The following BCL7B variants were observed in gnomAD, a reference collection of about 807,000 sequenced individuals.
BCL7B encodes BAF chromatin remodeling complex subunit BCL7B.
BCL7B carries 11 observed loss-of-function variants against 26.5 expected under a neutral mutation model. That is an observed-to-expected ratio of 0.42 (90% confidence interval 0.26 to 0.69). BCL7B has a LOEUF of 0.69. Ranked by LOEUF, BCL7B falls within the 30% of genes least tolerant of loss-of-function variation. BCL7B has a pLI of 0.28. For missense variants in BCL7B, 215 were observed against 264.4 expected (o/e 0.81, Z 1.30); for synonymous variants, 111 against 107.9 (o/e 1.03, Z -0.18).
intron 3 of BCL7B, among the ~76,000 whole-genome samples, chr7:73,541,251 TG>T (rs1250117326): frequency 6.6e-6 from 1 of 152,150 alleles, no homozygotes; most frequent in Non-Finnish European, 1.5e-5. Context: ...TTCCCCCTCC[TG>T]CTCTGGTATC....
At chr7:73,557,362 C>T (rs1334015923) in intron 1 of BCL7B, 125 bp downstream of exon 1, 3 of 1,183,124 alleles carry the variant, frequency 2.5e-6, no homozygotes, top group Middle Eastern at 3.4e-4. Context: ...CGCCCTCCTC[C>T]CGCCTTCTCC....
At chr7:73,555,934 T>C (rs901793711) in intron 1 of BCL7B, among the ~76,000 whole-genome samples, 2 of 151,862 alleles carry the variant, frequency 1.3e-5, no homozygotes, top group South Asian at 4.2e-4. Flanking sequence ...ATAAAATCAC[T>C]CAGTGCAAAT....
intron 2 of BCL7B, among the ~76,000 whole-genome samples, chr7:73,551,100 A>G (rs1554584071): frequency 6.6e-6 from 1 of 152,258 alleles, no homozygotes; most frequent in African/African-American, 2.4e-5. Context: ...GTATATACAT[A>G]TGATACACAC....
At chr7:73,541,372 A>ATT (rs1791765751) in intron 3 of BCL7B, among the ~76,000 whole-genome samples, 1 of 151,354 alleles carries the variant, frequency 6.6e-6, no homozygotes. Context: ...AGTCTCACGT[A>ATT]CCTTAAACTG....
At chr7:73,554,484 T>C (rs1441905106) in intron 1 of BCL7B, among the ~76,000 whole-genome samples, 1 of 151,692 alleles carries the variant, frequency 6.6e-6, no homozygotes, top group Non-Finnish European at 1.5e-5. Flanking sequence ...GTTGTAGTTG[T>C]TGATGCTGTT....
rs373084860 is a variant in BCL7B, at chr7:73,554,863, C to T, written c.93-2621G>A. ...AGAGACTGTGATGTAACAGAAGGAG[C>T]GAATTAAAGTCTTAGAAAATAACTA... On this transcript the variant is annotated intron_variant, in intron 1 of 5. Coordinates refer to ENST00000223368, the MANE Select transcript of BCL7B (RefSeq NM_001707.4). 3.8e-4 allele frequency among the ~76,000 whole-genome samples: 58 copies of T among 150,782 alleles called. 2 individuals are homozygous for T. The East Asian group carries it at 1.0e-2, about 26-fold the overall frequency.
chr7:73,539,249 C>CATGCCCA, intron 4 of BCL7B, among the ~76,000 whole-genome samples: 1 of 150,282 alleles, frequency 6.7e-6, no homozygotes, highest in South Asian at 2.1e-4. Context: ...TGTGAGCCAC[C>CATGCCCA]GCGCCAGGTC....
chr7:73,557,270 C>A (rs1051983720), intron 1 of BCL7B: 4 of 1,130,448 alleles, frequency 3.5e-6, no homozygotes, highest in Non-Finnish European at 4.3e-6. Context: ...GCAGCCGCAG[C>A]AGGTGGGCGG....
Position 73,557,524 on chromosome 7 carries a change from T to C in BCL7B, c.55A>G (p.Lys19Glu). ...ETRSRAKDDI[K>E]KVMAAIEKVR... ...TTCTCGATGGCCGCCATCACCTTCT[T>C]GATGTCGTCCTTGGCCCGGCTGCGG... is the stretch of plus-strand genomic sequence containing the variant. Residue 19 changes from lysine (K) to glutamate (E), a missense_variant, in exon 1 of 6, where the codon AAG (lysine) becomes GAG (glutamate). Coordinates refer to ENST00000223368, the MANE Select transcript of BCL7B (RefSeq NM_001707.4). 1 of 1,451,704 alleles carries C rather than the reference T, an allele frequency of 6.9e-7. No homozygotes were observed. Among genetic ancestry groups the C allele is most frequent in the Non-Finnish European group, 9.2e-7 (1 of 1,092,356 alleles). 89.9% of individuals were successfully genotyped at this position (1,451,704 alleles called of 1,614,324 possible).
intron 2 of BCL7B, among the ~76,000 whole-genome samples, chr7:73,549,886 C>A (rs1792092834): frequency 6.6e-6 from 1 of 152,006 alleles, no homozygotes; most frequent in Admixed American, 6.6e-5. Flanking sequence ...AATGACTAGA[C>A]AAGTGGTAAG....
chr7:73,547,255 GA>G (rs1266399902), intron 2 of BCL7B, among the ~76,000 whole-genome samples: 2 of 151,890 alleles, frequency 1.3e-5, no homozygotes, highest in Non-Finnish European at 2.9e-5. Flanking sequence ...TTGAGCCCAG[GA>G]GTTTGAGACC....
intron 2 of BCL7B, among the ~76,000 whole-genome samples, chr7:73,547,388 A>G (rs1791995170): frequency 6.6e-6 from 1 of 152,194 alleles, no homozygotes; most frequent in South Asian, 2.1e-4. Context: ...TCTTGAGCTC[A>G]GGAATTTGAG....
chr7:73,543,851 C>A, intron 2 of BCL7B: 1 of 514,784 alleles, frequency 1.9e-6, no homozygotes, highest in Non-Finnish European at 3.5e-6. Flanking sequence ...ACCCTTCCAG[C>A]AGGAATACTG....
intron 2 of BCL7B, among the ~76,000 whole-genome samples, chr7:73,549,498 A>AC (rs1184642542): frequency 2.0e-5 from 3 of 151,804 alleles, no homozygotes; most frequent in Admixed American, 6.6e-5. Context: ...CAACAATGAG[A>AC]CCCCCCACCA....
At chr7:73,544,040 A>G (rs1191692894) in intron 2 of BCL7B, 1 of 174,310 alleles carries the variant, frequency 5.7e-6, no homozygotes, top group Non-Finnish European at 1.2e-5. Flanking sequence ...AAGTGAGAGA[A>G]GAAGGAACCT....
chr7:73,539,285 T>C (rs2057996), intron 4 of BCL7B, among the ~76,000 whole-genome samples: 1,873 of 150,248 alleles, frequency 0.012, 39 homozygotes, highest in African/African-American at 0.044. Flanking sequence ...GGAGTCTCAC[T>C]CTGTTGCCCA....
At chr7:73,541,443 G>A (rs1042342951) in intron 3 of BCL7B, among the ~76,000 whole-genome samples, 3 of 151,980 alleles carry the variant, frequency 2.0e-5, no homozygotes, top group African/African-American at 7.2e-5. Flanking sequence ...TGCTGCCTAA[G>A]GGAGAAATGT....
At chr7:73,541,086 G>C (rs1285595524) in intron 3 of BCL7B, among the ~76,000 whole-genome samples, 2 of 152,126 alleles carry the variant, frequency 1.3e-5, no homozygotes, top group African/African-American at 4.8e-5. Context: ...GGTGGAGGTT[G>C]CAGTGAGCTG....
intron 4 of BCL7B, among the ~76,000 whole-genome samples, chr7:73,539,198 G>A (rs1791656846): frequency 6.6e-6 from 1 of 152,088 alleles, no homozygotes; most frequent in Non-Finnish European, 1.5e-5. Flanking sequence ...GACCTCAGGT[G>A]ATCCACCCAC....
Sources: gnomAD v4.1 joint callset for allele counts (sites outside exome capture counted in the v4.1 genomes callset) on GRCh38, gnomAD v4.1.1 for gene constraint, MANE v1.5 for transcripts, NCBI Gene and HGNC (gene_info 2026-07-23, HGNC 2026-07-21) for gene names.